Variants in PLPP3 observed in about 807,000 individuals in gnomAD.
PLPP3 encodes the protein phospholipid phosphatase 3.
A neutral mutation model predicts 29.6 loss-of-function variants in PLPP3; 6 were observed. That is an observed-to-expected ratio of 0.20 (90% confidence interval 0.11 to 0.40). The LOEUF is 0.40. Among genes scored for constraint, PLPP3 ranks in the 10% least tolerant of loss-of-function variants. The pLI is 1.00. For missense variants in PLPP3, 308 were observed against 407.7 expected (o/e 0.76, Z 2.11); for synonymous variants, 152 against 159.7 (o/e 0.95, Z 0.36).
At position 56,579,142 on chromosome 1, in the gene PLPP3, CG is replaced by C. The variant is rs1646259485; in HGVS notation, c.-127del. The C allele has an allele frequency of 6.1e-6, 8 of 1,310,026 alleles. No individual in the cohort carries two copies. The highest frequency in any genetic ancestry group is 7.0e-6 in the Non-Finnish European group (7 of 994,082). The allele number at this position is 1,310,026 out of a possible 1,614,324, so 81.2% of individuals were successfully genotyped here. ...GATAGTGGCGGGTCGGCCCCGGCTCCGGGCGCGGCGGCTAGAGTGCAGCCGG... is the reference window on the plus strand; with the variant it reads ...GATAGTGGCGGGTCGGCCCCGGCTCCGGCGCGGCGGCTAGAGTGCAGCCGG... On this transcript the variant is annotated 5_prime_UTR_variant, in exon 1 of 6. Coordinates refer to ENST00000371250, the MANE Select transcript of PLPP3 (RefSeq NM_003713.5).
At chr1:56,516,189 T>C (rs1276263405) in intron 4 of PLPP3, among the ~76,000 whole-genome samples, 1 of 152,162 alleles carries the variant, frequency 6.6e-6, no homozygotes, top group Non-Finnish European at 1.5e-5. Context: ...TACGATGACC[T>C]TCTCCATCCC....
intron 1 of PLPP3, among the ~76,000 whole-genome samples, chr1:56,550,020 C>A (rs1646027822): frequency 6.6e-6 from 1 of 152,110 alleles, no homozygotes; most frequent in Non-Finnish European, 1.5e-5. Flanking sequence ...GTGATAAGGC[C>A]ACAGAGAAGT....
At chr1:56,506,683 T>C (rs1257863416) in intron 5 of PLPP3, among the ~76,000 whole-genome samples, 3 of 152,196 alleles carry the variant, frequency 2.0e-5, no homozygotes, top group Non-Finnish European at 4.4e-5. Context: ...AATGAACCGA[T>C]GTCTGTTCCT....
At chr1:56,500,224 CTT>C (rs1645658038) in intron 5 of PLPP3, among the ~76,000 whole-genome samples, 1 of 152,142 alleles carries the variant, frequency 6.6e-6, no homozygotes, top group Non-Finnish European at 1.5e-5. Context: ...ATAAGACAGT[CTT>C]TTACCCTCAA....
At chr1:56,536,865 T>TATA in intron 2 of PLPP3, 90 bp downstream of exon 2, 2 of 1,524,414 alleles carry the variant, frequency 1.3e-6, no homozygotes. Context: ...TTCTACTTGG[T>TATA]ATAAGTCTCT....
chr1:56,557,363 C>T lies in PLPP3; in HGVS notation c.140-20251G>A, dbSNP rs572624105. Among the ~76,000 whole-genome samples, 14 of 150,970 alleles carry T rather than the reference C, an allele frequency of 9.3e-5. No homozygotes were observed. In the South Asian group the frequency reaches 1.3e-3, roughly 14 times the overall value. On this transcript the variant is annotated intron_variant, in intron 1 of 5. Coordinates refer to ENST00000371250, the MANE Select transcript of PLPP3 (RefSeq NM_003713.5). Reference sequence around the variant, plus strand: ...ACTGCACTCCAGCCTGGTGACAAAGCGAGACTCCTTCTCAAAAGAAAAAGG... The same window carrying T: ...ACTGCACTCCAGCCTGGTGACAAAGTGAGACTCCTTCTCAAAAGAAAAAGG...
intron 1 of PLPP3, among the ~76,000 whole-genome samples, chr1:56,578,103 C>A (rs981012607): frequency 6.6e-6 from 1 of 152,054 alleles, no homozygotes. Context: ...AGAAGTGGAC[C>A]ATCGCCTCAA....
rs560884380 is a variant in PLPP3 at position 56,524,695 on chromosome 1, A to G, written c.298-141T>C. On this transcript the variant is annotated intron_variant, in intron 2 of 5. Coordinates refer to ENST00000371250, the MANE Select transcript of PLPP3 (RefSeq NM_003713.5). The surrounding 1 kb of genome is among the most constrained non-coding windows in gnomAD (Gnocchi z 4.3). ...AATTTTCTATTTATGAAATATACAGACACAAATATGCACAGAAGAAAAGAT... is the reference window on the plus strand; with the variant it reads ...AATTTTCTATTTATGAAATATACAGGCACAAATATGCACAGAAGAAAAGAT... The G allele has an allele frequency of 9.7e-7, 1 of 1,031,042 alleles. No homozygotes were observed. Among genetic ancestry groups the G allele is most frequent in the East Asian group, 2.6e-5 (1 of 38,118 alleles). 63.9% of individuals were successfully genotyped at this position (1,031,042 alleles called of 1,614,324 possible).
intron 1 of PLPP3, among the ~76,000 whole-genome samples, chr1:56,543,090 T>C (rs1335843431): frequency 6.6e-6 from 1 of 151,862 alleles, no homozygotes; most frequent in Non-Finnish European, 1.5e-5. Context: ...GAGTAGGTAC[T>C]GTTCTACCCA....
intron 4 of PLPP3, among the ~76,000 whole-genome samples, chr1:56,519,246 A>G (rs1479641839): frequency 1.3e-5 from 2 of 152,034 alleles, no homozygotes; most frequent in Non-Finnish European, 2.9e-5. Context: ...ACCTTCACAC[A>G]TGTAGTTCTT....
chr1:56,536,645 C>T (rs3927761), intron 2 of PLPP3, among the ~76,000 whole-genome samples: 1 of 152,034 alleles, frequency 6.6e-6, no homozygotes, highest in South Asian at 2.1e-4. Context: ...GACAGGTTAG[C>T]CTTCCTGAAC....
At position 56,496,458 on chromosome 1, in the gene PLPP3, T is replaced by C. The variant is rs992647000; in HGVS notation, c.*93A>G. ...TAAAAATCAGTCGGGCAAAAGTTTT[T>C]CCCTACATTCTACTGTCTGATGAGA... On this transcript the variant is annotated 3_prime_UTR_variant, in exon 6 of 6. Transcript: ENST00000371250. 4.9e-6 allele frequency: 7 copies of C among 1,436,472 alleles called. No individual in the cohort carries two copies. The Admixed American group carries it at 6.8e-5, about 14-fold the overall frequency. The allele number at this position is 1,436,472 out of a possible 1,614,324, so 89.0% of individuals were successfully genotyped here.
intron 4 of PLPP3, among the ~76,000 whole-genome samples, chr1:56,519,759 TA>T: frequency 6.6e-6 from 1 of 151,278 alleles, no homozygotes; most frequent in South Asian, 2.1e-4. Flanking sequence ...TTTTTTTTTT[TA>T]ATTAGAACTT....
At chr1:56,515,681 T>G (rs1342455141) in intron 4 of PLPP3, among the ~76,000 whole-genome samples, 1 of 152,142 alleles carries the variant, frequency 6.6e-6, no homozygotes, top group African/African-American at 2.4e-5. Context: ...CTGATATCCA[T>G]CAGTTAACTA....
At chr1:56,501,932 A>C (rs1288636213) in intron 5 of PLPP3, among the ~76,000 whole-genome samples, 1 of 152,198 alleles carries the variant, frequency 6.6e-6, no homozygotes, top group Non-Finnish European at 1.5e-5. Flanking sequence ...CAATTTCTAG[A>C]GCTATCTTTG....
At chr1:56,570,923 A>G (rs933833362) in intron 1 of PLPP3, among the ~76,000 whole-genome samples, 15 of 152,196 alleles carry the variant, frequency 9.9e-5, no homozygotes, top group African/African-American at 3.6e-4. Flanking sequence ...TAATATTTCA[A>G]AACACTGCCT....
At chr1:56,562,729 T>A (rs1195105833) in intron 1 of PLPP3, among the ~76,000 whole-genome samples, 1 of 152,200 alleles carries the variant, frequency 6.6e-6, no homozygotes, top group Non-Finnish European at 1.5e-5. Context: ...CATCAAGCTA[T>A]CTCTTAGACT....
chr1:56,518,130 G>A (rs928174212), intron 4 of PLPP3, among the ~76,000 whole-genome samples: 1 of 152,186 alleles, frequency 6.6e-6, no homozygotes, highest in Non-Finnish European at 1.5e-5. Context: ...GTGTGGTGGG[G>A]TGAGTGAATG....
In PLPP3 at chr1:56,573,826, C is replaced by A. The variant is rs188402994; in HGVS notation, c.139+5052G>T. ...GGTCTCATTAGCATCACGCTGTGAC[C>A]AACTGGGCTTTCTAGCCCAAACAAC... On this transcript the variant is annotated intron_variant, in intron 1 of 5. Transcript: ENST00000371250. 3.5e-3 allele frequency among the ~76,000 whole-genome samples: 528 copies of A among 152,234 alleles called. 5 individuals carry two copies. The highest frequency in any genetic ancestry group is 0.012 in the African/African-American group (508 of 41,542).
Sources: gnomAD v4.1 joint callset for allele counts (sites outside exome capture counted in the v4.1 genomes callset) on GRCh38, gnomAD v4.1.1 for gene constraint, Gnocchi (gnomAD v3.1) non-coding constraint, MANE v1.5 for transcripts, NCBI Gene and HGNC (gene_info 2026-07-23, HGNC 2026-07-21) for gene names.